HSD17B12: variants seen among roughly 807,000 people sequenced by gnomAD.
HSD17B12 encodes hydroxysteroid 17-beta dehydrogenase 12.
HSD17B12 carries 32 observed loss-of-function variants against 39.3 expected under a neutral mutation model. The ratio of observed to expected loss-of-function variants is 0.81; its 90% CI spans 0.61 to 1.09. The LOEUF (loss-of-function observed/expected upper bound fraction) is 1.09, where lower values mean the gene tolerates loss of function less well. HSD17B12 is among the 50% of genes least tolerant of loss of function. The pLI, the probability that HSD17B12 is intolerant of heterozygous loss-of-function variation, is 0.00. For missense variants in HSD17B12, 342 were observed against 382.9 expected (o/e 0.89, Z 0.89); for synonymous variants, 150 against 146.7 (o/e 1.02, Z -0.16).
the HSD17B12 span, among the ~76,000 whole-genome samples, chr11:43,614,286 A>T: frequency 6.6e-6 from 1 of 152,204 alleles, no homozygotes; most frequent in Non-Finnish European, 1.5e-5. Flanking sequence ...ATTTTCAATG[A>T]CAAGTTTTTC....
chr11:43,781,018 C>T (rs1488039315), intron 3 of HSD17B12, among the ~76,000 whole-genome samples: 2 of 152,166 alleles, frequency 1.3e-5, no homozygotes, highest in Non-Finnish European at 1.5e-5. Flanking sequence ...AACTCCTTCT[C>T]CTCAAACTGT....
chr11:43,746,834 C>G (rs1023157527), intron 1 of HSD17B12, among the ~76,000 whole-genome samples: 2 of 152,162 alleles, frequency 1.3e-5, no homozygotes, highest in African/African-American at 4.8e-5. Flanking sequence ...GCTACAGTGT[C>G]ACTAGATGAT....
chr11:43,630,759 A>AT, the HSD17B12 span, among the ~76,000 whole-genome samples: 1 of 151,482 alleles, frequency 6.6e-6, no homozygotes, highest in Non-Finnish European at 1.5e-5. Context: ...CTATTGAAAC[A>AT]TTGATCTTTA....
chr11:43,832,575 C>T (rs1476066236), intron 7 of HSD17B12, among the ~76,000 whole-genome samples: 1 of 152,088 alleles, frequency 6.6e-6, no homozygotes, highest in African/African-American at 2.4e-5. Context: ...TAATACAAAA[C>T]CAAGAAGCTG....
the HSD17B12 span, among the ~76,000 whole-genome samples, chr11:43,560,891 T>C: frequency 6.6e-6 from 1 of 152,202 alleles, no homozygotes; most frequent in Non-Finnish European, 1.5e-5. Flanking sequence ...ATTACTCATC[T>C]TCCTTCGTCA....
At chr11:43,637,951 A>C in the HSD17B12 span, among the ~76,000 whole-genome samples, 1 of 152,176 alleles carries the variant, frequency 6.6e-6, no homozygotes. Context: ...CCCTCTGTGC[A>C]CTTGAAGGCT....
chr11:43,680,590 A>T (rs1162066963), upstream of HSD17B12: 2 of 527,586 alleles, frequency 3.8e-6, no homozygotes, highest in East Asian at 7.0e-5. Context: ...CGGTGATGGG[A>T]GGAGTGTGGG....
rs370126690 is a variant in HSD17B12, at chr11:43,681,164, A to T, written c.160+177A>T. ...CCTTGGCTGTCTTCTGCTTGCTTAG[A>T]CTACTTGCAGAGTTTTAAGGTACGA... On this transcript the variant is annotated intron_variant, in intron 1 of 10. Transcript: ENST00000278353. The T allele has an allele frequency of 2.9e-4, 410 of 1,403,940 alleles. No homozygotes were observed. In the African/African-American group the frequency reaches 5.5e-3, roughly 19 times the overall value. The allele number at this position is 1,403,940 out of a possible 1,614,324, so 87.0% of individuals were successfully genotyped here.
At chr11:43,601,500 C>CTT in the HSD17B12 span, among the ~76,000 whole-genome samples, 10 of 141,500 alleles carry the variant, frequency 7.1e-5, no homozygotes, top group Non-Finnish European at 1.4e-4. Context: ...AGTTAAAGAG[C>CTT]TTTTTTTTTT....
chr11:43,854,770 T>C lies in HSD17B12; in HGVS notation c.740T>C (p.Leu247Ser). Residue 247 changes from leucine to serine, a missense_variant, in exon 10 of 11, where the codon TTG becomes TCG. Coordinates refer to ENST00000278353, the MANE Select transcript of HSD17B12 (RefSeq NM_016142.3). ...TKLAKIRKPT[L>S]DKPSPETFVK... ...CTGGCTAAAATCCGGAAGCCAACTT[T>C]GGATAAGCCCTCTCCGGAGACGTTT... 6.2e-7 allele frequency: 1 copy of C among 1,614,200 alleles called. No homozygotes were observed. The highest frequency in any genetic ancestry group is 8.5e-7 in the Non-Finnish European group (1 of 1,180,038).
chr11:43,833,888 T>C (rs1307946755), intron 7 of HSD17B12: 1 of 152,206 alleles, frequency 6.6e-6, no homozygotes, highest in Non-Finnish European at 1.5e-5. Flanking sequence ...AGAAAGTACA[T>C]AATTACATTA....
chr11:43,792,542 C>T (rs765077496), intron 3 of HSD17B12, among the ~76,000 whole-genome samples: 1 of 152,018 alleles, frequency 6.6e-6, no homozygotes, highest in Non-Finnish European at 1.5e-5. Flanking sequence ...TGCCCCTGAG[C>T]CAAGCTTAGA....
the HSD17B12 span, among the ~76,000 whole-genome samples, chr11:43,571,553 A>C: frequency 6.6e-6 from 1 of 152,242 alleles, no homozygotes; most frequent in Non-Finnish European, 1.5e-5. Context: ...CAAGGTGTCC[A>C]GCAGTTAGAA....
the HSD17B12 span, among the ~76,000 whole-genome samples, chr11:43,572,937 G>C: frequency 6.6e-6 from 1 of 152,156 alleles, no homozygotes; most frequent in Non-Finnish European, 1.5e-5. Flanking sequence ...TCCAAATCCA[G>C]TACATTACCT....
intron 3 of HSD17B12, among the ~76,000 whole-genome samples, chr11:43,794,557 A>G (rs1950899108): frequency 6.6e-6 from 1 of 152,180 alleles, no homozygotes; most frequent in South Asian, 2.1e-4. Flanking sequence ...AAGATAATAA[A>G]CAGACTATAC....
chr11:43,693,988 C>T (rs904732658), intron 1 of HSD17B12, among the ~76,000 whole-genome samples: 3 of 152,242 alleles, frequency 2.0e-5, no homozygotes, highest in African/African-American at 7.2e-5. Flanking sequence ...TGTAAGGAGG[C>T]GATGATCTCC....
the HSD17B12 span, among the ~76,000 whole-genome samples, chr11:43,613,818 C>A: frequency 6.6e-6 from 1 of 152,032 alleles, no homozygotes; most frequent in African/African-American, 2.4e-5. Flanking sequence ...AGGTGCCCAC[C>A]ACTACGCCCG....
In HSD17B12 at chr11:43,695,671, G is replaced by GTCTTCTTCT. The variant is rs10687930; in HGVS notation, c.160+14698_160+14706dup. On this transcript the variant is annotated intron_variant, in intron 1 of 10. Transcript: ENST00000278353. ...TAGACTGAAGAGGATGTTCTAATTAGTCTTCTTCTTCTTCTTCTTCTTTTT... is the reference window on the plus strand; with the variant it reads ...TAGACTGAAGAGGATGTTCTAATTAGTCTTCTTCTTCTTCTTCTTCTTCTTCTTCTTTTT... 5.2e-4 allele frequency among the ~76,000 whole-genome samples: 78 copies of GTCTTCTTCT among 149,662 alleles called. 1 individual carries two copies. The highest frequency in any genetic ancestry group is 1.9e-3 in the African/African-American group (77 of 41,082).
intron 3 of HSD17B12, among the ~76,000 whole-genome samples, chr11:43,769,872 A>C (rs1160710458): frequency 7.2e-5 from 11 of 152,196 alleles, no homozygotes; most frequent in African/African-American, 2.4e-4. Context: ...TCAGTTTTGT[A>C]AATTCCATTT....
Sources: allele counts gnomAD v4.1 joint callset (sites outside exome capture counted in the v4.1 genomes callset), GRCh38; gene constraint gnomAD v4.1.1; transcripts MANE v1.5; gene names NCBI Gene and HGNC (gene_info 2026-07-23, HGNC 2026-07-21).